Variants in CZIB observed in about 807,000 individuals in gnomAD.
CZIB encodes UPF0587 protein C1orf123.
A neutral mutation model predicts 28.3 loss-of-function variants in CZIB; 26 were observed. The observed-to-expected ratio is 0.92, with a 90% CI of 0.67 to 1.27. CZIB has a LOEUF of 1.27. Among genes scored for constraint, CZIB ranks in the 50% most tolerant of loss-of-function variants. The pLI is 0.00. For synonymous variants in CZIB, 78 were observed against 71.1 expected, an observed-to-expected ratio of 1.10 and a Z score of -0.49; for missense variants, 179 against 197.3, an observed-to-expected ratio of 0.91 and a Z score of 0.56.
At position 53,220,348 on chromosome 1, in the gene CZIB, A is replaced by AG. The variant is rs1482721263; in HGVS notation, c.7-5dup. ...CTTTGAGTTGCAGCGCGATTTTCTG[A>AG]GGGGGAGGGCCAGAGCGACTGCGTC... On this transcript the variant is annotated splice_region_variant and splice_polypyrimidine_tract_variant and intron_variant, in intron 1 of 7. Coordinates refer to ENST00000294360, the MANE Select transcript of CZIB (RefSeq NM_017887.3). 6 of 1,611,958 alleles carry AG rather than the reference A, an allele frequency of 3.7e-6. No homozygotes were observed. The highest frequency in any genetic ancestry group is 4.2e-6 in the Non-Finnish European group (5 of 1,179,818).
rs112877831 is a variant in CZIB at position 53,218,772 on chromosome 1, C to A, written c.147+95G>T. ...ACCACAAAAAGCAGGGAGCAAAGAA[C>A]TGGAGAGATGAAGGCCAGTTTCCCC... On this transcript the variant is annotated intron_variant, in intron 3 of 7. Coordinates refer to ENST00000294360, the MANE Select transcript of CZIB (RefSeq NM_017887.3). 5,915 of 1,279,354 alleles carry A rather than the reference C, an allele frequency of 4.6e-3. 25 individuals are homozygous for A. The highest frequency in any genetic ancestry group is 5.8e-3 in the Non-Finnish European group (5,109 of 880,106). The allele number at this position is 1,279,354 out of a possible 1,614,324, so 79.3% of individuals were successfully genotyped here.
chr1:53,214,706 C>G lies in CZIB; in HGVS notation c.436G>C (p.Glu146Gln). 6.2e-7 allele frequency: 1 copy of G among 1,614,098 alleles called. No individual in the cohort carries two copies. The highest frequency in any genetic ancestry group is 1.1e-5 in the South Asian group (1 of 91,086). ...DWTDYDEKAQ[E>Q]SVGIYEVTHQ... is the part of the protein sequence containing the mutation. ...GTGACCTCATAGATTCCCACAGACTCCTGGGCCTTTTCATCATAGTCAGTC... is the reference window on the plus strand; with the variant it reads ...GTGACCTCATAGATTCCCACAGACTGCTGGGCCTTTTCATCATAGTCAGTC... Residue 146 changes from glutamate (E) to glutamine (Q), a missense_variant, in exon 8 of 8, where the codon GAG becomes CAG. By Grantham distance (29) the Glu-to-Gln change is conservative. Coordinates refer to ENST00000294360, the MANE Select transcript of CZIB (RefSeq NM_017887.3).
rs763486279 is a variant in CZIB at position 53,218,931 on chromosome 1, G to A, written c.91-8C>T. On this transcript the variant is annotated splice_region_variant and splice_polypyrimidine_tract_variant and intron_variant, in intron 2 of 7. Transcript: ENST00000294360. ...ACAGTTGCCACATTTCATCTTTGGG[G>A]AAAAAGAATGTTAGTAAAGCAGCTG... The A allele has an allele frequency of 1.9e-6, 3 of 1,612,968 alleles. No individual in the cohort carries two copies. Among genetic ancestry groups the A allele is most frequent in the Admixed American group, 1.7e-5 (1 of 60,016 alleles).
chr1:53,216,703 G>C (rs1645476210), intron 6 of CZIB, 79 bp downstream of exon 6: 2 of 1,270,590 alleles, frequency 1.6e-6, no homozygotes, highest in Non-Finnish European at 2.3e-6. Context: ...CATGGTATCT[G>C]TAGGTAGCAC....
At chr1:53,216,638 C>G in intron 6 of CZIB, 144 bp downstream of exon 6, 1 of 715,272 alleles carries the variant, frequency 1.4e-6, no homozygotes. Flanking sequence ...CCCAAGCATA[C>G]AGCAGCCACT....
At chr1:53,220,538 C>T (rs61769597) in intron 1 of CZIB, 32 bp downstream of exon 1, 18,545 of 1,600,180 alleles carry the variant, frequency 0.012, 173 homozygotes, top group South Asian at 0.035. Context: ...CACCTCCCCT[C>T]CGTGTCCCCG....
At chr1:53,218,683 T>C (rs1645490515) in intron 3 of CZIB, 184 bp downstream of exon 3, 1 of 789,208 alleles carries the variant, frequency 1.3e-6, no homozygotes, top group South Asian at 1.8e-5. Flanking sequence ...TTTTGAACTC[T>C]GCCTCATACC....
Position 53,216,813 on chromosome 1 carries a change from C to G in CZIB, c.308G>C (p.Arg103Pro), listed in dbSNP as rs777017649. The change falls in exon 6 of 8, where the codon CGG becomes CCG. Residue 103 changes from arginine to proline, a missense_variant. Arg to Pro is a moderately radical substitution (Grantham distance 103). Transcript: ENST00000294360. ...NFKTIVEFECRGLEPVDFQPQ... is the reference protein window; with the variant it reads ...NFKTIVEFECPGLEPVDFQPQ... ...CTGGAAATCAACTGGTTCAAGGCCC[C>G]GGCACTCAAACTCCACTATTGTCTT... 1.2e-6 allele frequency: 2 copies of G among 1,614,020 alleles called. No homozygotes were observed. Among genetic ancestry groups the G allele is most frequent in the Non-Finnish European group, 1.7e-6 (2 of 1,179,984 alleles).
chr1:53,218,829 T>C (rs774362269), intron 3 of CZIB, 38 bp downstream of exon 3: 2 of 1,561,868 alleles, frequency 1.3e-6, no homozygotes, highest in African/African-American at 2.7e-5. Flanking sequence ...TGTGTGTTTG[T>C]GAGTGTTTAT....
At chr1:53,218,073 G>A in intron 5 of CZIB, 99 bp downstream of exon 5, 1 of 1,254,746 alleles carries the variant, frequency 8.0e-7, no homozygotes, top group Non-Finnish European at 1.1e-6. Flanking sequence ...ATGTCCTATG[G>A]CAGGTCACTC....
intron 1 of CZIB, 51 bp downstream of exon 1, chr1:53,220,519 G>C (rs1645516514): frequency 6.2e-7 from 1 of 1,600,266 alleles, no homozygotes; most frequent in Non-Finnish European, 8.5e-7. Flanking sequence ...TTGCCTCCCA[G>C]ACCCTCGCCA....
chr1:53,219,021 C>T, intron 2 of CZIB, 98 bp from the exon 3 acceptor site: 1 of 1,010,324 alleles, frequency 9.9e-7, no homozygotes, highest in East Asian at 2.4e-5. Context: ...TCATGATCTA[C>T]CTTCTTGATG....
chr1:53,214,533 C>T lies in CZIB; in HGVS notation c.*126G>A. The T allele has an allele frequency of 1.4e-6, 1 of 725,434 alleles. No individual in the cohort carries two copies. Among genetic ancestry groups the T allele is most frequent in the Non-Finnish European group, 2.3e-6 (1 of 428,384 alleles). The allele number at this position is 725,434 out of a possible 1,614,324, so 44.9% of individuals were successfully genotyped here. On this transcript the variant is annotated 3_prime_UTR_variant, in exon 8 of 8. Coordinates refer to ENST00000294360, the MANE Select transcript of CZIB (RefSeq NM_017887.3). ...GGAAGCTGTAATAAAGTCCAGCATG[C>T]AGATTGTGAAGGTTTCGTATAGCCA...
At chr1:53,220,502 C>G in intron 1 of CZIB, 68 bp downstream of exon 1, 1 of 1,598,142 alleles carries the variant, frequency 6.3e-7, no homozygotes, top group Non-Finnish European at 8.5e-7. Context: ...CCTCCTGGCG[C>G]GAGCTGTTGC....
At chr1:53,219,039 C>G in intron 2 of CZIB, 116 bp from the exon 3 acceptor site, 1 of 838,292 alleles carries the variant, frequency 1.2e-6, no homozygotes, top group Non-Finnish European at 2.0e-6. Flanking sequence ...ATGGCAATCT[C>G]ACTTCATCCC....
intron 5 of CZIB, chr1:53,217,077 G>C (rs947477834): frequency 4.0e-6 from 2 of 505,914 alleles, no homozygotes; most frequent in Non-Finnish European, 7.2e-6. Context: ...GAAGAGCGTG[G>C]ATGCTGGGGT....
At chr1:53,218,600 G>A in intron 3 of CZIB, 105 bp from the exon 4 acceptor site, 1 of 1,187,710 alleles carries the variant, frequency 8.4e-7, no homozygotes, top group Non-Finnish European at 1.2e-6. Context: ...CCAAGACCCA[G>A]AAAGGGTAAC....
chr1:53,218,093 C>T (rs1645485064), intron 5 of CZIB, 79 bp downstream of exon 5: 6 of 1,454,088 alleles, frequency 4.1e-6, no homozygotes, highest in Non-Finnish European at 5.7e-6. Context: ...CTGATGCAGG[C>T]ATGACTCTAG....
chr1:53,220,441 G>A (rs1361672271), intron 1 of CZIB, 97 bp from the exon 2 acceptor site: 2 of 1,576,034 alleles, frequency 1.3e-6, no homozygotes, highest in East Asian at 4.5e-5. Context: ...GCCACAGGGA[G>A]ACACTCCTTC....
Sources: allele counts gnomAD v4.1 joint callset, GRCh38; gene constraint gnomAD v4.1.1; transcripts MANE v1.5; gene names NCBI Gene and HGNC (gene_info 2026-07-23, HGNC 2026-07-21).